Variants in LMNB2 observed in about 807,000 individuals in gnomAD.
The protein encoded by LMNB2 is lamin-B2.
LMNB2 carries 17 observed loss-of-function variants against 69.3 expected under a neutral mutation model. That is an observed-to-expected ratio of 0.25 (90% CI 0.17 to 0.37). LMNB2 has a LOEUF of 0.37. Ranked by LOEUF, LMNB2 falls within the 10% of genes least tolerant of loss-of-function variation. The probability of loss-of-function intolerance (pLI) is 1.00; values close to 1 mark genes in which losing one functional copy is unlikely to be tolerated. For synonymous variants in LMNB2, 397 were observed against 389.3 expected, an observed-to-expected ratio of 1.02 and a Z score of -0.23; for missense variants, 789 against 883.6, an observed-to-expected ratio of 0.89 and a Z score of 1.36.
chr19:2,445,474 C>A (rs1015262628), intron 1 of LMNB2, among the ~76,000 whole-genome samples: 3 of 152,074 alleles, frequency 2.0e-5, no homozygotes, highest in African/African-American at 7.3e-5. Context: ...AGGACAGAAG[C>A]TCCCACCCCT....
intron 1 of LMNB2, among the ~76,000 whole-genome samples, chr19:2,455,163 T>G (rs1555684823): frequency 1.3e-5 from 2 of 151,922 alleles, no homozygotes; most frequent in African/African-American, 2.4e-5. Context: ...ATGAGGGGCC[T>G]AATTCCCACC....
At position 2,447,842 on chromosome 19, in the gene LMNB2, C is replaced by T. The variant is rs1460977196; in HGVS notation, c.265-3302G>A. Among the ~76,000 whole-genome samples, 3 of 152,200 alleles carry T rather than the reference C, an allele frequency of 2.0e-5. No individual in the cohort carries two copies. The highest frequency in any genetic ancestry group is 7.2e-5 in the African/African-American group (3 of 41,452). On this transcript the variant is annotated intron_variant, in intron 1 of 11. Coordinates refer to ENST00000325327, the MANE Select transcript of LMNB2 (RefSeq NM_032737.4). The surrounding 1 kb of genome is among the most constrained non-coding windows in gnomAD (Gnocchi z 4.4). Reference sequence around the variant, plus strand: ...GGTGGGACCCTCAGCCTCAAACCAACGCATGCTGGGCCATCTGGACAAGTC... The same window carrying T: ...GGTGGGACCCTCAGCCTCAAACCAATGCATGCTGGGCCATCTGGACAAGTC...
chr19:2,456,891 G>C lies in LMNB2; in HGVS notation c.43C>G (p.Pro15Ala). 9.5e-7 allele frequency: 1 copy of C among 1,054,536 alleles called. No individual in the cohort carries two copies. Among genetic ancestry groups the C allele is most frequent in the South Asian group, 4.4e-5 (1 of 22,940 alleles). The allele number at this position is 1,054,536 out of a possible 1,614,324, so 65.3% of individuals were successfully genotyped here. The stretch of plus-strand genomic sequence containing the variant: ...GTGGCCATGGTGGCGGCGGCTCGCG[G>C]CCTGCGCTGCTCCCGACGGCGGCCC... ...SPGRRREQRR[P>A]RAAATMATPL... Residue 15 changes from proline (P) to alanine (A), a missense_variant, in exon 1 of 12, where the codon CCG becomes GCG. Pro to Ala is a conservative substitution (Grantham distance 27). Around this residue, in one of 3 missense-constraint regions of LMNB2, gnomAD observed 35 missense variants for 23.9 expected, o/e 1.47. Coordinates refer to ENST00000325327, the MANE Select transcript of LMNB2 (RefSeq NM_032737.4).
At chr19:2,433,633 A>C (rs549939533) in intron 8 of LMNB2, among the ~76,000 whole-genome samples, 193 bp downstream of exon 8, 3 of 49,910 alleles carry the variant, frequency 6.0e-5, no homozygotes, top group African/African-American at 3.2e-4. Context: ...CCTGCCTCGT[A>C]TTGGCCGGCG....
Position 2,437,060 on chromosome 19 carries a change from C to A in LMNB2, c.684+1103G>T, listed in dbSNP as rs79819585. 1.6e-3 allele frequency: 241 copies of A among 152,792 alleles called. 2 individuals carry two copies. The highest frequency in any genetic ancestry group is 7.2e-3 in the South Asian group (35 of 4,842). The allele number at this position is 152,792 out of a possible 1,614,324, so 9.5% of individuals were successfully genotyped here. On this transcript the variant is annotated intron_variant, in intron 4 of 11. Transcript: ENST00000325327. Reference sequence around the variant, plus strand: ...CCTCTGGCTCCTGTGGGGCCCCCCCCACTCCCTGGGCCTGGCCAGAGCGGG... The same window carrying A: ...CCTCTGGCTCCTGTGGGGCCCCCCCAACTCCCTGGGCCTGGCCAGAGCGGG...
Position 2,444,652 on chromosome 19 carries a change from G to T in LMNB2, c.265-112C>A, listed in dbSNP as rs1035952841. 3 of 1,391,436 alleles carry T rather than the reference G, an allele frequency of 2.2e-6. No homozygotes were observed. In the African/African-American group the frequency reaches 4.2e-5, roughly 20 times the overall value. The allele number at this position is 1,391,436 out of a possible 1,614,324, so 86.2% of individuals were successfully genotyped here. A position where few individuals can be genotyped will look rare whatever the true frequency, so the allele number is the denominator to read the frequency against. The stretch of plus-strand genomic sequence containing the variant: ...AGATTCCCAGGGACTGGCACGCAGA[G>T]AGAGAGGATGGCAGCCTGGGGACAC... On this transcript the variant is annotated intron_variant, in intron 1 of 11. Transcript: ENST00000325327.
At chr19:2,431,415 C>T (rs1174229189) in intron 11 of LMNB2, 133 bp downstream of exon 11, 2 of 1,175,920 alleles carry the variant, frequency 1.7e-6, no homozygotes, top group South Asian at 1.2e-5. Flanking sequence ...CCAAGGCTGG[C>T]TTCACCCTGA....
At chr19:2,446,956 C>T (rs955541961) in intron 1 of LMNB2, among the ~76,000 whole-genome samples, 1 of 152,026 alleles carries the variant, frequency 6.6e-6, no homozygotes, top group Non-Finnish European at 1.5e-5. Context: ...CTGGCTAACA[C>T]AGTGAAACCC....
chr19:2,434,673 C>A (rs980129901), intron 6 of LMNB2, 115 bp downstream of exon 6: 9 of 1,503,660 alleles, frequency 6.0e-6, no homozygotes, highest in Non-Finnish European at 8.0e-6. Context: ...CATCGCTGGG[C>A]GCCCCGAGGG....
At position 2,438,383 on chromosome 19, in the gene LMNB2, G is replaced by C; in HGVS notation, c.550C>G (p.Leu184Val). The change falls in exon 3 of 12, where the codon CTG (leucine) becomes GTG (valine). Residue 184 changes from leucine (L) to valine (V), a missense_variant. Around this residue, in one of 3 missense-constraint regions of LMNB2, gnomAD observed 609 missense variants for 630.9 expected, o/e 0.97. Coordinates refer to ENST00000325327, the MANE Select transcript of LMNB2 (RefSeq NM_032737.4). ...ESDVAELRAQLAKAEDGHAVA... is the reference protein window; with the variant it reads ...ESDVAELRAQVAKAEDGHAVA... ...TGGCTCCTGGCACCTACCTTGGCCAGCTGGGCCCGCAGCTCAGCCACGTCA... is the reference window on the plus strand; with the variant it reads ...TGGCTCCTGGCACCTACCTTGGCCACCTGGGCCCGCAGCTCAGCCACGTCA... 6.2e-7 allele frequency: 1 copy of C among 1,612,976 alleles called. No homozygotes were observed. The highest frequency in any genetic ancestry group is 8.5e-7 in the Non-Finnish European group (1 of 1,179,900).
At chr19:2,438,353 T>C (rs1050380419) in intron 3 of LMNB2, 22 bp downstream of exon 3, 5 of 1,613,202 alleles carry the variant, frequency 3.1e-6, no homozygotes, top group Non-Finnish European at 4.2e-6. Flanking sequence ...TGCTGGGGCG[T>C]CCCGTGGCTC....
intron 2 of LMNB2, among the ~76,000 whole-genome samples, chr19:2,441,050 GC>G (rs1364748447): frequency 6.6e-6 from 1 of 152,246 alleles, no homozygotes; most frequent in East Asian, 1.9e-4. Flanking sequence ...ACCAGGAGCT[GC>G]CCCAGGCTGG....
chr19:2,436,567 G>A (rs1971824692), intron 4 of LMNB2, among the ~76,000 whole-genome samples: 4 of 144,508 alleles, frequency 2.8e-5, no homozygotes, highest in Admixed American at 2.8e-4. Flanking sequence ...CCGCCCTCCC[G>A]CCTTCACGGC....
Position 2,432,471 on chromosome 19 carries a change from T to G in LMNB2, c.1535A>C (p.Glu512Ala). ...RIKRQVLEGE[E>A]IAYKFTPKYI... Reference sequence around the variant, plus strand: ...CTTGGGCGTGAACTTGTAGGCGATCTCCTCCCCCTCCAAGACCTGCCTCTT... The same window carrying G: ...CTTGGGCGTGAACTTGTAGGCGATCGCCTCCCCCTCCAAGACCTGCCTCTT... The change falls in exon 9 of 12, where the codon GAG becomes GCG. Residue 512 changes from glutamate to alanine, a missense_variant. By Grantham distance (107) the Glu-to-Ala change is moderately radical (BLOSUM62 -1). This residue lies in a region of LMNB2 where 609 missense variants were observed against 630.9 expected (regional missense o/e 0.97). Coordinates refer to ENST00000325327, the MANE Select transcript of LMNB2 (RefSeq NM_032737.4). 3 of 1,613,686 alleles carry G rather than the reference T, an allele frequency of 1.9e-6. No homozygotes were observed. The highest frequency in any genetic ancestry group is 2.5e-6 in the Non-Finnish European group (3 of 1,179,892).
rs1357549237 is a variant in LMNB2 at position 2,443,332 on chromosome 19, AAGG to A, written c.401+1069_401+1071del. On this transcript the variant is annotated intron_variant, in intron 2 of 11. Coordinates refer to ENST00000325327, the MANE Select transcript of LMNB2 (RefSeq NM_032737.4). This position sits in a 1 kb window ranked among gnomAD's most constrained non-coding sequence, Gnocchi z 6.2. ...TCCACGGGAGCAGCGCCAGCCCAGG[AAGG>A]AGGAGGGCGTCGGATGGAGAGGTCA... Among the ~76,000 whole-genome samples the A allele has an allele frequency of 6.6e-6, 1 of 152,162 alleles. No individual in the cohort carries two copies. The highest frequency in any genetic ancestry group is 1.5e-5 in the Non-Finnish European group (1 of 68,012).
At position 2,434,010 on chromosome 19, in the gene LMNB2, C is replaced by A. The variant is rs770685785; in HGVS notation, c.1298G>T (p.Arg433Leu). 1 of 1,607,472 alleles carries A rather than the reference C, an allele frequency of 6.2e-7. No homozygotes were observed. The highest frequency in any genetic ancestry group is 1.7e-4 in the Middle Eastern group (1 of 6,022). Residue 433 changes from arginine to leucine, a missense_variant, in exon 8 of 12, where the codon CGC (arginine) becomes CTC (leucine). Physicochemically the swap from Arg to Leu is moderately radical, Grantham distance 102. This residue lies in a region of LMNB2 where 609 missense variants were observed against 630.9 expected (regional missense o/e 0.97). Transcript: ENST00000325327. ...GSLSATGRLG[R>L]SKRKRLEVEE... ...CACCTCCAGCCGCTTCCGCTTACTG[C>A]GGCCCAGGCGCCCGGTGGCGGACAA...
intron 1 of LMNB2, among the ~76,000 whole-genome samples, chr19:2,456,287 ACCT>A (rs1376511189): frequency 7.4e-6 from 1 of 134,814 alleles, no homozygotes; most frequent in Non-Finnish European, 1.6e-5. Flanking sequence ...AAGCCCCCAA[ACCT>A]CCTGGAGACC....
At chr19:2,432,609 G>A in intron 8 of LMNB2, 86 bp from the exon 9 acceptor site, 2 of 1,106,372 alleles carry the variant, frequency 1.8e-6, no homozygotes, top group South Asian at 1.2e-5. Context: ...CCATCACCCT[G>A]ACCCTGGTCA....
intron 1 of LMNB2, among the ~76,000 whole-genome samples, chr19:2,450,345 G>A (rs1243559472): frequency 6.6e-6 from 1 of 152,024 alleles, no homozygotes; most frequent in Non-Finnish European, 1.5e-5. Flanking sequence ...GATAGTGGAT[G>A]GGGTCTTGGG....
Sources: gnomAD v4.1 joint callset for allele counts (sites outside exome capture counted in the v4.1 genomes callset) on GRCh38, gnomAD v4.1.1 for gene constraint, gnomAD v4.1.1 regional missense constraint, Gnocchi (gnomAD v3.1) non-coding constraint, MANE v1.5 for transcripts, NCBI Gene and HGNC (gene_info 2026-07-23, HGNC 2026-07-21) for gene names.